Variants in ITGBL1 observed in about 807,000 individuals in gnomAD.
ITGBL1 encodes the protein integrin beta-like protein 1.
In ITGBL1, 51 loss-of-function variants were observed where a neutral mutation model predicts 68.5. The observed-to-expected ratio is 0.74, with a 90% CI of 0.59 to 0.94. The LOEUF (loss-of-function observed/expected upper bound fraction) is 0.94, where lower values mean the gene tolerates loss of function less well. ITGBL1 is among the 40% of genes least tolerant of loss of function. The pLI, the probability that ITGBL1 is intolerant of heterozygous loss-of-function variation, is 0.00. For synonymous variants in ITGBL1, 209 were observed against 227.3 expected, an observed-to-expected ratio of 0.92 and a Z score of 0.72; for missense variants, 649 against 647.4, an observed-to-expected ratio of 1.00 and a Z score of -0.03.
At position 101,649,615 on chromosome 13, in the gene ITGBL1, C is replaced by T. The variant is rs180735567; in HGVS notation, c.1016-42970C>T. Among the ~76,000 whole-genome samples, 187 of 151,714 alleles carry T rather than the reference C, an allele frequency of 1.2e-3. 1 individual carries two copies. Among genetic ancestry groups the T allele is most frequent in the Middle Eastern group, 6.8e-3 (2 of 294 alleles). ...CCAGTCCAATGAGGTAATGTCTGATCGCCTAGATGCTTCTGTCACAACCTT... is the reference window on the plus strand; with the variant it reads ...CCAGTCCAATGAGGTAATGTCTGATTGCCTAGATGCTTCTGTCACAACCTT... On this transcript the variant is annotated intron_variant, in intron 7 of 10. Transcript: ENST00000376180.
intron 2 of ITGBL1, among the ~76,000 whole-genome samples, chr13:101,493,724 C>G (rs945607658): frequency 5.9e-5 from 9 of 152,192 alleles, no homozygotes; most frequent in African/African-American, 2.2e-4. Context: ...TGTAGAACAT[C>G]TATCTCATTT....
At chr13:101,605,519 T>TATAGACATGTATATGCGTATATATACAC (rs1465138678) in intron 7 of ITGBL1, among the ~76,000 whole-genome samples, 1 of 99,780 alleles carries the variant, frequency 1.0e-5, no homozygotes, top group African/African-American at 4.0e-5. Context: ...TATACACATA[T>TATAGACATGTATATGCGTATATATACAC]AGACATATGT....
At chr13:101,642,062 C>A (rs377668999) in intron 7 of ITGBL1, among the ~76,000 whole-genome samples, 4 of 151,752 alleles carry the variant, frequency 2.6e-5, no homozygotes, top group African/African-American at 4.8e-5. Context: ...ATTTATAGTC[C>A]TTTGGGTATA....
chr13:101,615,864 T>C (rs34447642), intron 7 of ITGBL1, among the ~76,000 whole-genome samples: 12,568 of 152,122 alleles, frequency 0.083, 840 homozygotes, highest in African/African-American at 0.18. Flanking sequence ...AATTCCACCA[T>C]GTGAGGACAC....
At position 101,454,041 on chromosome 13, in the gene ITGBL1, G is replaced by A. The variant is rs1345501384; in HGVS notation, c.257G>A (p.Gly86Glu). Residue 86 changes from glycine (G) to glutamate (E), a missense_variant, in exon 2 of 11, where the codon GGG becomes GAG. Physicochemically the swap from Gly to Glu is moderately conservative, Grantham distance 98. Transcript: ENST00000376180. The part of the protein sequence containing the change: ...CHVTEPGMFF[G>E]PLCECHEWVC... ...GTGACTGAGCCGGGCATGTTCTTCG[G>A]GCCCCTGTGTGAGTGCCATGAGTGG... 2 of 1,593,146 alleles carry A rather than the reference G, an allele frequency of 1.3e-6. No homozygotes were observed. Among genetic ancestry groups the A allele is most frequent in the African/African-American group, 1.3e-5 (1 of 74,442 alleles).
chr13:101,702,241 TTCTC>T (rs575637285), intron 8 of ITGBL1, among the ~76,000 whole-genome samples: 114 of 152,192 alleles, frequency 7.5e-4, no homozygotes, highest in Non-Finnish European at 1.4e-3. Flanking sequence ...CATTTGTGTC[TTCTC>T]TCTTTTTACT....
chr13:101,654,772 G>A (rs1008538277), intron 7 of ITGBL1, among the ~76,000 whole-genome samples: 12 of 152,062 alleles, frequency 7.9e-5, no homozygotes, highest in Non-Finnish European at 1.6e-4. Flanking sequence ...GTAAAGCTCT[G>A]GGCCTGGATG....
intron 7 of ITGBL1, among the ~76,000 whole-genome samples, chr13:101,688,697 G>T (rs2033811648): frequency 6.6e-6 from 1 of 152,162 alleles, no homozygotes; most frequent in Non-Finnish European, 1.5e-5. Flanking sequence ...TACAGATGAT[G>T]AATTTGTCGT....
At chr13:101,606,742 G>T (rs1013446364) in intron 7 of ITGBL1, among the ~76,000 whole-genome samples, 1 of 151,952 alleles carries the variant, frequency 6.6e-6, no homozygotes, top group Admixed American at 6.6e-5. Flanking sequence ...TTGGCTCTCT[G>T]AATGAGGATG....
chr13:101,527,585 A>G (rs970831212), intron 2 of ITGBL1, among the ~76,000 whole-genome samples: 1 of 147,600 alleles, frequency 6.8e-6, no homozygotes, highest in African/African-American at 2.5e-5. Flanking sequence ...AAATGCAATA[A>G]TACATTTAAT....
At chr13:101,714,414 G>A in intron 9 of ITGBL1, 24 bp from the exon 10 acceptor site, 1 of 1,297,570 alleles carries the variant, frequency 7.7e-7, no homozygotes, top group Non-Finnish European at 1.1e-6. Context: ...AGGTGATGGT[G>A]AGTAATAGCC....
At chr13:101,621,637 A>G (rs908710754) in intron 7 of ITGBL1, among the ~76,000 whole-genome samples, 7 of 152,152 alleles carry the variant, frequency 4.6e-5, no homozygotes, top group African/African-American at 1.4e-4. Context: ...GCTCTTGTCC[A>G]TCTCTTCTGA....
chr13:101,538,186 G>A (rs1416579307), intron 2 of ITGBL1, among the ~76,000 whole-genome samples: 2 of 152,000 alleles, frequency 1.3e-5, no homozygotes, highest in Non-Finnish European at 2.9e-5. Context: ...AATAGGATTT[G>A]TAGAGACAAG....
intron 7 of ITGBL1, among the ~76,000 whole-genome samples, chr13:101,603,393 A>G (rs765879146): frequency 2.6e-5 from 4 of 151,960 alleles, no homozygotes; most frequent in Non-Finnish European, 2.9e-5. Flanking sequence ...TGGGTATAAT[A>G]ATCTTTTTAA....
intron 7 of ITGBL1, among the ~76,000 whole-genome samples, chr13:101,619,128 A>G (rs2031485521): frequency 6.6e-6 from 1 of 152,100 alleles, no homozygotes; most frequent in South Asian, 2.1e-4. Context: ...TGTAACAAAG[A>G]TGATACATAG....
intron 2 of ITGBL1, among the ~76,000 whole-genome samples, chr13:101,554,913 T>G (rs1293947741): frequency 6.6e-6 from 1 of 152,222 alleles, no homozygotes; most frequent in Non-Finnish European, 1.5e-5. Context: ...TTGCAAAGAT[T>G]AGTATTACTC....
chr13:101,623,712 A>G (rs1418150822), intron 7 of ITGBL1, among the ~76,000 whole-genome samples: 11 of 152,224 alleles, frequency 7.2e-5, no homozygotes, highest in Admixed American at 7.2e-4. Flanking sequence ...GCAGAGCACA[A>G]ATTTAAAGGG....
intron 2 of ITGBL1, among the ~76,000 whole-genome samples, chr13:101,545,423 T>C (rs1375717503): frequency 6.6e-6 from 1 of 151,702 alleles, no homozygotes; most frequent in African/African-American, 2.4e-5. Flanking sequence ...GAGAAAATAA[T>C]ATAGAAGGAA....
At chr13:101,590,707 C>T (rs1475563961) in intron 6 of ITGBL1, among the ~76,000 whole-genome samples, 3 of 152,086 alleles carry the variant, frequency 2.0e-5, no homozygotes, top group Non-Finnish European at 4.4e-5. Context: ...ACAGATCTGT[C>T]GCTGAAATAA....
Sources: gnomAD v4.1 joint callset for allele counts (sites outside exome capture counted in the v4.1 genomes callset) on GRCh38, gnomAD v4.1.1 for gene constraint, MANE v1.5 for transcripts, NCBI Gene and HGNC (gene_info 2026-07-23, HGNC 2026-07-21) for gene names.